LMBR1: variants seen among roughly 807,000 people sequenced by gnomAD.
The protein encoded by LMBR1 is limb development membrane protein 1.
Under a neutral mutation model 73.9 loss-of-function variants are expected in LMBR1, and 52 were observed. That is an observed-to-expected ratio of 0.70 (90% CI 0.56 to 0.89). The LOEUF is 0.89. Ranked by LOEUF, LMBR1 falls within the 40% of genes least tolerant of loss-of-function variation. The pLI, the probability that LMBR1 is intolerant of heterozygous loss-of-function variation, is 0.00. For synonymous variants in LMBR1, 215 were observed against 209.4 expected, an observed-to-expected ratio of 1.03 and a Z score of -0.23; for missense variants, 539 against 579.8, an observed-to-expected ratio of 0.93 and a Z score of 0.72.
intron 15 of LMBR1, among the ~76,000 whole-genome samples, chr7:156,715,811 TCATCCATTC>T (rs1261301244): frequency 6.6e-6 from 1 of 152,230 alleles, no homozygotes; most frequent in Non-Finnish European, 1.5e-5. Context: ...CAAAATCTGA[TCATCCATTC>T]ATCCAACGAT....
chr7:156,802,370 C>T (rs945234195), intron 4 of LMBR1, among the ~76,000 whole-genome samples: 58 of 152,202 alleles, frequency 3.8e-4, no homozygotes, highest in Non-Finnish European at 7.1e-4. Flanking sequence ...GAATATATTT[C>T]TACACCTCAT....
At chr7:156,870,205 C>T (rs1008297395) in intron 1 of LMBR1, among the ~76,000 whole-genome samples, 3 of 152,134 alleles carry the variant, frequency 2.0e-5, no homozygotes, top group African/African-American at 7.2e-5. Context: ...ACACTGTAGA[C>T]CAAATGAATC....
chr7:156,708,094 C>A (rs2132145178), intron 15 of LMBR1, among the ~76,000 whole-genome samples: 2 of 150,424 alleles, frequency 1.3e-5, no homozygotes, highest in Middle Eastern at 3.4e-3. Context: ...ATCCCATTTA[C>A]AATAGCCAGA....
At chr7:156,765,839 C>T (rs1463991584) in intron 5 of LMBR1, among the ~76,000 whole-genome samples, 2 of 152,094 alleles carry the variant, frequency 1.3e-5, no homozygotes, top group Non-Finnish European at 2.9e-5. Flanking sequence ...TGCATTATAC[C>T]TGTAATATAC....
At chr7:156,723,722 T>C (rs948291095) in intron 15 of LMBR1, among the ~76,000 whole-genome samples, 4 of 152,112 alleles carry the variant, frequency 2.6e-5, no homozygotes, top group African/African-American at 9.7e-5. Flanking sequence ...CTTAAAATAA[T>C]TTACAAATTT....
intron 5 of LMBR1, among the ~76,000 whole-genome samples, chr7:156,776,709 G>A (rs1247907036): frequency 6.6e-6 from 1 of 152,044 alleles, no homozygotes; most frequent in South Asian, 2.1e-4. Flanking sequence ...TTGATGATGA[G>A]CCAGTATCAA....
At chr7:156,736,580 T>C (rs1319388952) in intron 9 of LMBR1, 1 of 457,086 alleles carries the variant, frequency 2.2e-6, no homozygotes, top group Non-Finnish European at 4.4e-6. Flanking sequence ...TGTCTTCCTG[T>C]TGCAACTTCT....
Position 156,836,864 on chromosome 7 carries a change from T to C in LMBR1, c.88A>G (p.Ile30Val), listed in dbSNP as rs775620717. Residue 30 changes from isoleucine to valine, a missense_variant, in exon 2 of 17, where the codon ATT becomes GTT. Physicochemically the swap from Ile to Val is conservative, Grantham distance 29. Transcript: ENST00000353442. ...ESTICFLLFA[I>V]LYVVSYFIIT... ...ATGAAGTAGGAAACAACGTAGAGAA[T>C]GGCAAAAAGAAGGAAACATATCTGA... 1.6e-5 allele frequency: 25 copies of C among 1,578,200 alleles called. No homozygotes were observed. The highest frequency in any genetic ancestry group is 2.2e-5 in the Non-Finnish European group (25 of 1,158,420).
chr7:156,699,618 A>G (rs1365624998), intron 15 of LMBR1, among the ~76,000 whole-genome samples: 1 of 152,072 alleles, frequency 6.6e-6, no homozygotes. Context: ...GTGAACAGGC[A>G]ACCTACAGAA....
Position 156,671,271 on chromosome 7 carries a change from C to T in LMBR1, n.867-1984G>A, listed in dbSNP as rs1264700645. ...ACAACACAAAGCGGACTGAGTGCTC[C>T]AGCACCAATCAGATTATGTATGTGT... On this transcript the variant is annotated intron_variant and non_coding_transcript_variant, in intron 4 of 4. Coordinates refer to the LMBR1 transcript ENST00000430825. 3.9e-5 allele frequency among the ~76,000 whole-genome samples: 6 copies of T among 152,308 alleles called. No individual in the cohort carries two copies. The East Asian group carries it at 1.2e-3, about 29-fold the overall frequency.
At chr7:156,861,265 C>T (rs1268514642) in intron 1 of LMBR1, among the ~76,000 whole-genome samples, 2 of 152,198 alleles carry the variant, frequency 1.3e-5, no homozygotes, top group African/African-American at 4.8e-5. Context: ...CATGTTGAAG[C>T]TGCCAAGGCT....
At chr7:156,748,613 C>T (rs1487356504) in intron 9 of LMBR1, among the ~76,000 whole-genome samples, 1 of 152,016 alleles carries the variant, frequency 6.6e-6, no homozygotes, top group Non-Finnish European at 1.5e-5. Context: ...CTCAGCCTCC[C>T]GAGTAGCTGG....
intron 9 of LMBR1, among the ~76,000 whole-genome samples, chr7:156,756,066 T>C (rs533070814): frequency 3.3e-5 from 5 of 152,354 alleles, no homozygotes; most frequent in African/African-American, 1.2e-4. Context: ...CTTTTCTTCA[T>C]TGGTTCTTCA....
intron 9 of LMBR1, among the ~76,000 whole-genome samples, chr7:156,750,670 T>A (rs1820709342): frequency 6.6e-6 from 1 of 152,228 alleles, no homozygotes; most frequent in African/African-American, 2.4e-5. Flanking sequence ...GCGTTTTTCA[T>A]CTATTAATTT....
intron 5 of LMBR1, among the ~76,000 whole-genome samples, chr7:156,779,886 G>T (rs1199686133): frequency 2.0e-5 from 3 of 152,144 alleles, no homozygotes; most frequent in Non-Finnish European, 4.4e-5. Context: ...AATAAGGTTT[G>T]CTCAGCATGG....
At chr7:156,729,706 C>T (rs1489665216) in intron 10 of LMBR1, among the ~76,000 whole-genome samples, 1 of 152,140 alleles carries the variant, frequency 6.6e-6, no homozygotes, top group Non-Finnish European at 1.5e-5. Flanking sequence ...ATCTCCTGAC[C>T]TCGTGATCCA....
chr7:156,681,475 T>C lies in LMBR1; in HGVS notation c.*2603A>G, dbSNP rs1014236. On this transcript the variant is annotated 3_prime_UTR_variant, in exon 17 of 17. Coordinates refer to ENST00000353442, the MANE Select transcript of LMBR1 (RefSeq NM_022458.4). ...TAAATAGTAAATCTAAGAAGTATCT[T>C]GGAAAATCAGTAAAAATTAATACAA... 3,565 of 155,486 alleles carry C rather than the reference T, an allele frequency of 0.023. 96 individuals carry two copies. Among genetic ancestry groups the C allele is most frequent in the East Asian group, 0.099 (519 of 5,218 alleles). The allele number at this position is 155,486 out of a possible 1,614,324, so 9.6% of individuals were successfully genotyped here. A position where few individuals can be genotyped will look rare whatever the true frequency, so the allele number is the denominator to read the frequency against.
intron 5 of LMBR1, among the ~76,000 whole-genome samples, chr7:156,794,329 C>G (rs1003674669): frequency 6.6e-6 from 1 of 152,146 alleles, no homozygotes; most frequent in Non-Finnish European, 1.5e-5. Context: ...GCTGTACAAT[C>G]GTATGTGTGA....
intron 4 of LMBR1, among the ~76,000 whole-genome samples, chr7:156,806,184 T>C (rs200961938): frequency 6.8e-6 from 1 of 146,884 alleles, no homozygotes; most frequent in South Asian, 2.2e-4. Flanking sequence ...AATGTCTTAG[T>C]TTATAGTACT....
Sources: allele counts gnomAD v4.1 joint callset (sites outside exome capture counted in the v4.1 genomes callset), GRCh38; gene constraint gnomAD v4.1.1; transcripts MANE v1.5; gene names NCBI Gene and HGNC (gene_info 2026-07-23, HGNC 2026-07-21).